Variants in ZNF487 observed in about 807,000 individuals in gnomAD.
The protein encoded by ZNF487 is zinc finger protein 487.
ZNF487 carries 4 observed loss-of-function variants against 3.0 expected under a neutral mutation model. That is an observed-to-expected ratio of 1.35 (90% CI 0.66 to 3.08). The LOEUF (loss-of-function observed/expected upper bound fraction) is 3.08. Ranked by LOEUF, ZNF487 falls within the 30% of genes most tolerant of loss-of-function variation. The probability of loss-of-function intolerance (pLI) is 0.01; values close to 1 mark genes in which losing one functional copy is unlikely to be tolerated. For missense variants in ZNF487, 146 were observed against 98.7 expected (o/e 1.48, Z -2.03); for synonymous variants, 55 against 34.6 (o/e 1.59, Z -2.06).
At chr10:43,494,801 G>T in the ZNF487 span, among the ~76,000 whole-genome samples, 1 of 146,908 alleles carries the variant, frequency 6.8e-6, no homozygotes, top group Non-Finnish European at 1.5e-5. Context: ...GCTGGGCATG[G>T]TAGTGCGCGC....
chr10:43,503,947 T>C, the ZNF487 span, among the ~76,000 whole-genome samples: 4 of 152,178 alleles, frequency 2.6e-5, no homozygotes, highest in African/African-American at 9.7e-5. Flanking sequence ...ATGCCTTTTC[T>C]ATGTTTAGAC....
the ZNF487 span, among the ~76,000 whole-genome samples, chr10:43,512,271 G>C: frequency 6.6e-6 from 1 of 152,226 alleles, no homozygotes; most frequent in Non-Finnish European, 1.5e-5. Flanking sequence ...GAGAAGGCAT[G>C]GTGGCAGGAG....
downstream of ZNF487, among the ~76,000 whole-genome samples, chr10:43,484,567 A>G (rs936410720): frequency 4.6e-5 from 7 of 152,152 alleles, no homozygotes; most frequent in East Asian, 1.4e-3. Flanking sequence ...AGATCATGCC[A>G]CTGCATGCCA....
At chr10:43,440,680 A>C (rs930463054) in intron 1 of ZNF487, among the ~76,000 whole-genome samples, 3 of 151,894 alleles carry the variant, frequency 2.0e-5, no homozygotes, top group Admixed American at 6.6e-5. Context: ...GAAAAAAAGA[A>C]ACAGAAGACT....
the ZNF487 span, among the ~76,000 whole-genome samples, chr10:43,501,446 T>A: frequency 6.6e-6 from 1 of 152,162 alleles, no homozygotes; most frequent in Non-Finnish European, 1.5e-5. Context: ...TTACAAACTT[T>A]TAACTTTTCT....
At chr10:43,520,979 G>A in the ZNF487 span, among the ~76,000 whole-genome samples, 42 of 152,294 alleles carry the variant, frequency 2.8e-4, no homozygotes, top group East Asian at 7.9e-3. Flanking sequence ...TGGGACACTA[G>A]GCTCAGGGAT....
At chr10:43,479,257 C>G (rs1420354048) in intron 3 of ZNF487, among the ~76,000 whole-genome samples, 3 of 151,892 alleles carry the variant, frequency 2.0e-5, no homozygotes, top group Non-Finnish European at 4.4e-5. Context: ...TCCACTGTAC[C>G]TGGCCTACTT....
At chr10:43,493,171 G>A in the ZNF487 span, among the ~76,000 whole-genome samples, 14 of 152,092 alleles carry the variant, frequency 9.2e-5, no homozygotes, top group East Asian at 1.9e-4. Context: ...CGGAGGTTGC[G>A]GTGAGCTGAG....
intron 1 of ZNF487, among the ~76,000 whole-genome samples, chr10:43,464,541 C>G (rs952988804): frequency 3.3e-5 from 5 of 152,140 alleles, no homozygotes; most frequent in Non-Finnish European, 7.3e-5. Flanking sequence ...GTTTGTGTCC[C>G]TGGGTACTTG....
chr10:43,522,912 T>G, the ZNF487 span, among the ~76,000 whole-genome samples: 5 of 152,192 alleles, frequency 3.3e-5, no homozygotes, highest in Admixed American at 6.5e-5. Context: ...TCTGGCAATT[T>G]TACCTACTAT....
the ZNF487 span, among the ~76,000 whole-genome samples, chr10:43,505,591 C>T: frequency 6.6e-6 from 1 of 151,982 alleles, no homozygotes; most frequent in Non-Finnish European, 1.5e-5. Context: ...TCCATAATTA[C>T]ATTTTTATAC....
chr10:43,471,654 G>C (rs1840913303), intron 1 of ZNF487, among the ~76,000 whole-genome samples: 1 of 152,164 alleles, frequency 6.6e-6, no homozygotes, highest in South Asian at 2.1e-4. Flanking sequence ...GACGGGAAGG[G>C]CAGGTTGCCT....
intron 1 of ZNF487, among the ~76,000 whole-genome samples, chr10:43,441,112 C>T (rs1050313776): frequency 1.7e-5 from 2 of 114,504 alleles, no homozygotes; most frequent in Non-Finnish European, 3.3e-5. Flanking sequence ...TGGTCTTGAA[C>T]TCGTGGGCTT....
the ZNF487 span, among the ~76,000 whole-genome samples, chr10:43,522,598 G>C: frequency 6.6e-6 from 1 of 152,134 alleles, no homozygotes; most frequent in Non-Finnish European, 1.5e-5. Flanking sequence ...GCCAGGCACG[G>C]TGGCGGGTGC....
rs555270904 is a variant in ZNF487 at position 43,460,062 on chromosome 10, A to G, written c.-93-15659A>G. 2.0e-5 allele frequency among the ~76,000 whole-genome samples: 3 copies of G among 152,008 alleles called. No homozygotes were observed. The South Asian group carries it at 6.2e-4, about 32-fold the overall frequency. ...CATGATCTGCCCGCCTTGGCCTCCC[A>G]AAGTACTGGGATTATAGGCATGAGC... is the stretch of plus-strand genomic sequence containing the variant. On this transcript the variant is annotated intron_variant, in intron 1 of 3. Transcript: ENST00000437590.
At chr10:43,458,057 C>CA (rs71016769) in intron 1 of ZNF487, 125,473 of 151,214 alleles carry the variant, frequency 0.83, 52,226 homozygotes, top group East Asian at 0.99. Context: ...CAAAACAAAA[C>CA]AAAAAAAAAG....
At chr10:43,510,167 A>G in the ZNF487 span, among the ~76,000 whole-genome samples, 2 of 152,220 alleles carry the variant, frequency 1.3e-5, no homozygotes, top group Admixed American at 1.3e-4. Context: ...TTAACAAAAG[A>G]GGGAGGAAAT....
At chr10:43,471,479 A>G (rs1840906943) in intron 1 of ZNF487, among the ~76,000 whole-genome samples, 1 of 152,172 alleles carries the variant, frequency 6.6e-6, no homozygotes, top group Non-Finnish European at 1.5e-5. Context: ...GGTGAGGACA[A>G]AGGGCCAGCG....
At chr10:43,441,520 G>C (rs1314951337) in intron 1 of ZNF487, among the ~76,000 whole-genome samples, 6 of 152,002 alleles carry the variant, frequency 3.9e-5, no homozygotes, top group African/African-American at 1.4e-4. Flanking sequence ...ACCCACCTCG[G>C]CCTCCTAAAG....
Sources: allele counts gnomAD v4.1 joint callset (sites outside exome capture counted in the v4.1 genomes callset), GRCh38; gene constraint gnomAD v4.1.1; transcripts MANE v1.5; gene names NCBI Gene and HGNC (gene_info 2026-07-23, HGNC 2026-07-21).